Variants in PDE9A observed in about 807,000 individuals in gnomAD.
PDE9A encodes the protein high affinity cGMP-specific 3',5'-cyclic phosphodiesterase 9A.
PDE9A carries 60 observed loss-of-function variants against 87.4 expected under a neutral mutation model. That is an observed-to-expected ratio of 0.69 (90% CI 0.56 to 0.85). The LOEUF (loss-of-function observed/expected upper bound fraction) is 0.85. Ranked by LOEUF, PDE9A falls within the 40% of genes least tolerant of loss-of-function variation. The pLI, the probability that PDE9A is intolerant of heterozygous loss-of-function variation, is 0.00. For synonymous variants in PDE9A, 272 were observed against 279.4 expected, an observed-to-expected ratio of 0.97 and a Z score of 0.27; for missense variants, 665 against 779.0, an observed-to-expected ratio of 0.85 and a Z score of 1.74.
intron 17 of PDE9A, among the ~76,000 whole-genome samples, chr21:42,769,549 CACACACAG>C (rs1232598267): frequency 3.6e-3 from 408 of 114,780 alleles, no homozygotes; most frequent in Non-Finnish European, 5.7e-3. Context: ...CACACAAATG[CACACACAG>C]GCACACACAC....
At chr21:42,727,259 C>G (rs1207390165) in intron 4 of PDE9A, among the ~76,000 whole-genome samples, 1 of 152,024 alleles carries the variant, frequency 6.6e-6, no homozygotes, top group African/African-American at 2.4e-5. Context: ...TTTCAACATA[C>G]AACTTCTGCA....
chr21:42,741,006 T>C (rs1322379591), intron 7 of PDE9A: 1 of 152,188 alleles, frequency 6.6e-6, no homozygotes, highest in African/African-American at 2.4e-5. Context: ...TAAGACATAG[T>C]CAATGGTCCA....
intron 1 of PDE9A, among the ~76,000 whole-genome samples, chr21:42,683,381 C>T (rs546717727): frequency 8.9e-4 from 135 of 152,372 alleles, no homozygotes; most frequent in African/African-American, 3.1e-3. Context: ...CATTGAATCA[C>T]GAGCTCTGGC....
At chr21:42,699,098 C>G in intron 4 of PDE9A, 87 bp downstream of exon 4, 5 of 830,548 alleles carry the variant, frequency 6.0e-6, no homozygotes, top group Non-Finnish European at 1.0e-5. Context: ...ACTAGTTAAG[C>G]ATTTGAATCT....
At chr21:42,693,084 G>A (rs1472751440) in intron 3 of PDE9A, among the ~76,000 whole-genome samples, 2 of 152,236 alleles carry the variant, frequency 1.3e-5, no homozygotes, top group Admixed American at 1.3e-4. Context: ...ACCTGACACG[G>A]TGACCCACGG....
intron 7 of PDE9A, among the ~76,000 whole-genome samples, chr21:42,736,599 T>C (rs1195133634): frequency 6.6e-6 from 1 of 152,252 alleles, no homozygotes; most frequent in African/African-American, 2.4e-5. Flanking sequence ...TACTGATTTC[T>C]AGCACCAGAG....
At chr21:42,754,144 G>C (rs1461160549) in intron 10 of PDE9A, 80 bp downstream of exon 10, 15 of 759,590 alleles carry the variant, frequency 2.0e-5, no homozygotes, top group Non-Finnish European at 3.4e-5. Flanking sequence ...CACCCCCATC[G>C]CTCTTCCTCC....
intron 7 of PDE9A, among the ~76,000 whole-genome samples, chr21:42,742,517 G>A (rs2053417900): frequency 7.2e-6 from 1 of 138,880 alleles, no homozygotes; most frequent in Admixed American, 7.6e-5. Context: ...CCAGGCCAGA[G>A]TACAGTGGCG....
rs1244422542 is a variant in PDE9A at position 42,732,167 on chromosome 21, A to G, written c.497+43A>G. The G allele has an allele frequency of 5.1e-6, 8 of 1,578,012 alleles. No homozygotes were observed. In the Admixed American group the frequency reaches 1.2e-4, roughly 23 times the overall value. The stretch of plus-strand genomic sequence containing the variant: ...CTTACAACCAGCCAGAGATGGGCAC[A>G]TCTTTCTCTAAGAGCGAGGGCAGGC... On this transcript the variant is annotated intron_variant, in intron 6 of 19. Transcript: ENST00000291539.
chr21:42,692,566 C>G lies in PDE9A; in HGVS notation c.218+4572C>G, dbSNP rs978705644. The stretch of plus-strand genomic sequence containing the variant: ...GGTGGAGCACAGAGCTCCCCTCAGT[C>G]TCTGGTTTGTGACGGAGGTGGGCCC... On this transcript the variant is annotated intron_variant, in intron 3 of 19. Coordinates refer to ENST00000291539, the MANE Select transcript of PDE9A (RefSeq NM_002606.3). This position sits in a 1 kb window ranked among gnomAD's most constrained non-coding sequence, Gnocchi z 4.3. Among the ~76,000 whole-genome samples the G allele has an allele frequency of 1.1e-4, 17 of 152,110 alleles. No individual in the cohort carries two copies. Among genetic ancestry groups the G allele is most frequent in the Non-Finnish European group, 2.4e-4 (16 of 68,018 alleles).
rs1260107116 is a variant in PDE9A, at chr21:42,694,440, G to T, written c.219-4528G>T. Reference sequence around the variant, plus strand: ...ATTCTTCCCAGATTCACAGCCATAGGGTGGGCGTTTCATGAAATCTCCAAA... The same window carrying T: ...ATTCTTCCCAGATTCACAGCCATAGTGTGGGCGTTTCATGAAATCTCCAAA... On this transcript the variant is annotated intron_variant, in intron 3 of 19. Transcript: ENST00000291539. The surrounding 1 kb of genome is among the most constrained non-coding windows in gnomAD (Gnocchi z 5.3). Among the ~76,000 whole-genome samples the T allele has an allele frequency of 6.6e-6, 1 of 152,140 alleles. No homozygotes were observed. The highest frequency in any genetic ancestry group is 1.5e-5 in the Non-Finnish European group (1 of 68,026).
intron 4 of PDE9A, among the ~76,000 whole-genome samples, chr21:42,715,282 CCA>C (rs1308356627): frequency 6.6e-6 from 1 of 151,546 alleles, no homozygotes; most frequent in East Asian, 1.9e-4. Flanking sequence ...CATGTTCCCC[CCA>C]CACACAGACA....
chr21:42,758,848 C>G (rs1861706975), intron 10 of PDE9A, 151 bp from the exon 11 acceptor site: 1 of 603,934 alleles, frequency 1.7e-6, no homozygotes, highest in Non-Finnish European at 3.0e-6. Context: ...GCCGACCAGG[C>G]TTTGCTCTCC....
intron 15 of PDE9A, among the ~76,000 whole-genome samples, chr21:42,767,963 TG>T (rs1441484065): frequency 1.3e-5 from 2 of 152,206 alleles, no homozygotes; most frequent in Admixed American, 6.5e-5. Context: ...TCACCTGGGC[TG>T]GGGTGGCCAG....
chr21:42,674,282 G>A (rs557336337), intron 1 of PDE9A, among the ~76,000 whole-genome samples: 1 of 151,338 alleles, frequency 6.6e-6, no homozygotes, highest in East Asian at 1.9e-4. Flanking sequence ...CTGAGGGCCA[G>A]TAGGAAGTGC....
intron 1 of PDE9A, among the ~76,000 whole-genome samples, chr21:42,656,470 G>A (rs1005321445): frequency 6.6e-6 from 1 of 152,272 alleles, no homozygotes; most frequent in Non-Finnish European, 1.5e-5. Context: ...TTGACAATCT[G>A]AAGTTGTCTG....
chr21:42,771,393 C>A (rs1399592552), intron 18 of PDE9A, among the ~76,000 whole-genome samples: 1 of 152,228 alleles, frequency 6.6e-6, no homozygotes, highest in Admixed American at 6.5e-5. Flanking sequence ...GGATTCCCCA[C>A]GGCTGTCTGC....
intron 1 of PDE9A, among the ~76,000 whole-genome samples, chr21:42,684,068 C>T (rs539420536): frequency 4.6e-5 from 7 of 152,230 alleles, no homozygotes; most frequent in Admixed American, 4.6e-4. Flanking sequence ...ATCCAAGAAA[C>T]CCAATAGAAG....
Position 42,692,351 on chromosome 21 carries a change from C to T in PDE9A, c.218+4357C>T, listed in dbSNP as rs1353076855. 6.6e-6 allele frequency among the ~76,000 whole-genome samples: 1 copy of T among 152,146 alleles called. No homozygotes were observed. The highest frequency in any genetic ancestry group is 1.5e-5 in the Non-Finnish European group (1 of 68,032). On this transcript the variant is annotated intron_variant, in intron 3 of 19. Transcript: ENST00000291539. The surrounding 1 kb of genome is among the most constrained non-coding windows in gnomAD (Gnocchi z 4.3). ...ATCTGATGGGTGGAGACCCGGGATG[C>T]CAATGGCATCCTACAGCGCACAGGA... is the stretch of plus-strand genomic sequence containing the variant.
Sources: gnomAD v4.1 joint callset for allele counts (sites outside exome capture counted in the v4.1 genomes callset) on GRCh38, gnomAD v4.1.1 for gene constraint, Gnocchi (gnomAD v3.1) non-coding constraint, MANE v1.5 for transcripts, NCBI Gene and HGNC (gene_info 2026-07-23, HGNC 2026-07-21) for gene names.